ANKFY1: variants seen among roughly 807,000 people sequenced by gnomAD.
ANKFY1 encodes ankyrin repeat and FYVE domain containing 1, also known as ankyrin repeat and FYVE domain-containing protein 1.
ANKFY1 carries 47 observed loss-of-function variants against 128.3 expected under a neutral mutation model. The ratio of observed to expected loss-of-function variants is 0.37; its 90% confidence interval spans 0.29 to 0.47. ANKFY1 has a LOEUF of 0.47. Ranked by LOEUF, ANKFY1 falls within the 20% of genes least tolerant of loss-of-function variation. ANKFY1 has a pLI of 1.00. For missense variants in ANKFY1, 1,222 were observed against 1,510.6 expected (o/e 0.81, Z 3.17); for synonymous variants, 553 against 601.6 (o/e 0.92, Z 1.18).
intron 4 of ANKFY1, among the ~76,000 whole-genome samples, chr17:4,212,473 G>T (rs1454387513): frequency 2.6e-5 from 4 of 152,226 alleles, no homozygotes; most frequent in Admixed American, 2.6e-4. Context: ...GTTACACTCA[G>T]CACAGCTTGA....
intron 4 of ANKFY1, among the ~76,000 whole-genome samples, chr17:4,212,882 T>C (rs1045438209): frequency 2.0e-5 from 3 of 151,234 alleles, no homozygotes; most frequent in Admixed American, 1.3e-4. Flanking sequence ...GCGATTCTCC[T>C]GCCTCAGCCT....
chr17:4,179,056 T>A lies in ANKFY1; in HGVS notation c.2399A>T (p.Asp800Val). The change falls in exon 18 of 25, where the codon GAT (aspartate) becomes GTT (valine). Residue 800 changes from aspartate to valine, a missense_variant and splice_region_variant. Coordinates refer to ENST00000341657, the MANE Select transcript of ANKFY1 (RefSeq NM_001330063.2). ...GTGGATGGGGGTTCTTCCTTCTGCA[T>A]CCTATGGAACAAGGCACAGAATTTA... is the stretch of plus-strand genomic sequence containing the variant. Reference protein sequence around the residue: ...LEFGANVNAQDAEGRTPIHVA... With the variant: ...LEFGANVNAQVAEGRTPIHVA... The A allele has an allele frequency of 6.2e-7, 1 of 1,614,084 alleles. No homozygotes were observed.
intron 1 of ANKFY1, among the ~76,000 whole-genome samples, chr17:4,243,491 C>T (rs1967366735): frequency 6.6e-6 from 1 of 152,142 alleles, no homozygotes; most frequent in African/African-American, 2.4e-5. Context: ...CCCACTGTGC[C>T]CAGCTTCATG....
chr17:4,183,113 A>T (rs768328473), intron 14 of ANKFY1, among the ~76,000 whole-genome samples: 4 of 152,208 alleles, frequency 2.6e-5, no homozygotes, highest in Non-Finnish European at 4.4e-5. Context: ...CTCAAAGGAA[A>T]AAAAACCTGG....
intron 1 of ANKFY1, among the ~76,000 whole-genome samples, chr17:4,263,239 A>G (rs1336298640): frequency 3.9e-5 from 6 of 152,228 alleles, no homozygotes; most frequent in Admixed American, 3.9e-4. Flanking sequence ...CAATGTCATG[A>G]AAAGTGCACG....
chr17:4,251,478 T>G (rs995936084), intron 1 of ANKFY1, among the ~76,000 whole-genome samples: 1 of 150,682 alleles, frequency 6.6e-6, no homozygotes, highest in African/African-American at 2.4e-5. Flanking sequence ...GAAAACAATT[T>G]TTAAAAATGA....
At chr17:4,241,000 A>C (rs1967182254) in intron 2 of ANKFY1, among the ~76,000 whole-genome samples, 1 of 152,142 alleles carries the variant, frequency 6.6e-6, no homozygotes, top group Non-Finnish European at 1.5e-5. Flanking sequence ...CTCAAAACTC[A>C]CTTAATAACA....
In ANKFY1 at chr17:4,178,892, C is replaced by T; in HGVS notation, c.2563G>A (p.Ala855Thr). ...GCCCCGGACTCTCGTTTGAGAATGG[C>T]CTCGGCTGACTTGTTGTTCTTGAAA... ...MTFKNNKSAE[A>T]ILKRESGAAE... Residue 855 changes from alanine to threonine, a missense_variant, in exon 18 of 25, where the codon GCC becomes ACC. Physicochemically the swap from Ala to Thr is moderately conservative, Grantham distance 58. Transcript: ENST00000341657. This position sits in a 1 kb window ranked among gnomAD's most constrained non-coding sequence, Gnocchi z 4.1. 6.2e-7 allele frequency: 1 copy of T among 1,614,222 alleles called. No homozygotes were observed. The highest frequency in any genetic ancestry group is 1.3e-5 in the African/African-American group (1 of 75,050).
chr17:4,172,787 C>A, intron 21 of ANKFY1, 107 bp from the exon 22 acceptor site: 2 of 1,407,956 alleles, frequency 1.4e-6, no homozygotes, highest in Admixed American at 2.4e-5. Flanking sequence ...CTAAAAGACA[C>A]AAAACAAGTC....
At chr17:4,239,275 T>C (rs1375941826) in intron 2 of ANKFY1, among the ~76,000 whole-genome samples, 1 of 151,640 alleles carries the variant, frequency 6.6e-6, no homozygotes, top group African/African-American at 2.4e-5. Context: ...CCTCAAAGAG[T>C]AGGAGAGATG....
chr17:4,209,256 G>A (rs2060082375), intron 5 of ANKFY1, among the ~76,000 whole-genome samples: 2 of 152,238 alleles, frequency 1.3e-5, no homozygotes. Flanking sequence ...CAGATGGAGG[G>A]TGAAGGCAGG....
At chr17:4,203,226 GTTAAAATAAA>G (rs1323610854) in intron 7 of ANKFY1, among the ~76,000 whole-genome samples, 2 of 152,214 alleles carry the variant, frequency 1.3e-5, no homozygotes, top group Non-Finnish European at 1.5e-5. Flanking sequence ...ATCAGAAACA[GTTAAAATAAA>G]AGCTGGTGCT....
At chr17:4,254,303 C>CA (rs572606909) in intron 1 of ANKFY1, among the ~76,000 whole-genome samples, 1,161 of 81,848 alleles carry the variant, frequency 0.014, 70 homozygotes, top group African/African-American at 0.018. Context: ...GACTCCATCT[C>CA]AAAAAAAAAA....
intron 4 of ANKFY1, among the ~76,000 whole-genome samples, chr17:4,211,929 A>C (rs890700441): frequency 4.0e-5 from 6 of 151,482 alleles, no homozygotes; most frequent in African/African-American, 1.2e-4. Context: ...CAAACAAAAA[A>C]CATCAACTAC....
At chr17:4,256,195 A>G (rs1003192470) in intron 1 of ANKFY1, among the ~76,000 whole-genome samples, 5 of 151,962 alleles carry the variant, frequency 3.3e-5, no homozygotes, top group East Asian at 2.0e-4. Context: ...TTGGGAGGCC[A>G]AGGCGGGCGG....
intron 22 of ANKFY1, 83 bp downstream of exon 22, chr17:4,172,473 T>A: frequency 1.3e-6 from 2 of 1,548,116 alleles, no homozygotes; most frequent in South Asian, 2.4e-5. Context: ...CGCCCTCAGA[T>A]AACGACGTGT....
At chr17:4,189,673 ACCAGACAGTAGGCCCACG>A (rs1409962890) in intron 10 of ANKFY1, among the ~76,000 whole-genome samples, 194 bp from the exon 11 acceptor site, 122 of 130,266 alleles carry the variant, frequency 9.4e-4, no homozygotes, top group Middle Eastern at 4.3e-3. Context: ...GTAGGCCCAC[ACCAGACAGTAGGCCCACG>A]CCAGACAGTA....
intron 10 of ANKFY1, chr17:4,191,437 T>C (rs1457642050): frequency 1.3e-5 from 2 of 151,792 alleles, no homozygotes; most frequent in Non-Finnish European, 2.9e-5. Flanking sequence ...AGATGCCTAG[T>C]TGATGGTTAC....
At chr17:4,193,274 GA>G (rs1255447183) in intron 10 of ANKFY1, among the ~76,000 whole-genome samples, 2 of 152,088 alleles carry the variant, frequency 1.3e-5, no homozygotes, top group Non-Finnish European at 2.9e-5. Flanking sequence ...TGTTTTTTAA[GA>G]GAGAGAATCT....
Sources: gnomAD v4.1 joint callset for allele counts (sites outside exome capture counted in the v4.1 genomes callset) on GRCh38, gnomAD v4.1.1 for gene constraint, Gnocchi (gnomAD v3.1) non-coding constraint, MANE v1.5 for transcripts, NCBI Gene and HGNC (gene_info 2026-07-23, HGNC 2026-07-21) for gene names.